Variants in GPR39 observed in about 807,000 individuals in gnomAD.
GPR39 encodes the protein G protein-coupled receptor 39.
A neutral mutation model predicts 18.4 loss-of-function variants in GPR39; 23 were observed. That is an observed-to-expected ratio of 1.25 (90% CI 0.90 to 1.77). The LOEUF is 1.77. Among genes scored for constraint, GPR39 ranks in the 40% most tolerant of loss-of-function variants. The pLI is 0.00. For missense variants in GPR39, 647 were observed against 602.4 expected (o/e 1.07, Z -0.78); for synonymous variants, 280 against 257.9 (o/e 1.09, Z -0.82).
chr2:132,524,824 T>C (rs1334428748), intron 1 of GPR39, among the ~76,000 whole-genome samples: 1 of 152,252 alleles, frequency 6.6e-6, no homozygotes, highest in Non-Finnish European at 1.5e-5. Flanking sequence ...CTATCACATG[T>C]TACTGTGTTG....
chr2:132,550,364 C>A (rs1327859288), intron 1 of GPR39, among the ~76,000 whole-genome samples: 1 of 152,188 alleles, frequency 6.6e-6, no homozygotes, highest in Non-Finnish European at 1.5e-5. Context: ...TCTTTGGATA[C>A]AAGGAACAGC....
rs34611787 is a variant in GPR39, at chr2:132,610,777, C to CAAA, written c.857-34305_857-34303dup. ...GGGCAACAGAGCGAGACTCTGTCTC[C>CAAA]AAAAAAAAAAAAAAAAAAAAAGAAG... On this transcript the variant is annotated intron_variant, in intron 1 of 1. Coordinates refer to ENST00000329321, the MANE Select transcript of GPR39 (RefSeq NM_001508.3). Among the ~76,000 whole-genome samples, 508 of 88,560 alleles carry CAAA rather than the reference C, an allele frequency of 5.7e-3. 9 individuals are homozygous for CAAA. The highest frequency in any genetic ancestry group is 0.022 in the African/African-American group (473 of 21,996). The allele number at this position is 88,560 out of a possible 152,430, so 58.1% of individuals were successfully genotyped here.
At chr2:132,503,869 G>A (rs1233412326) in intron 1 of GPR39, among the ~76,000 whole-genome samples, 1 of 152,148 alleles carries the variant, frequency 6.6e-6, no homozygotes. Flanking sequence ...AGGTCACCAA[G>A]GAACTGGGGG....
At chr2:132,525,552 G>A (rs1299656932) in intron 1 of GPR39, among the ~76,000 whole-genome samples, 1 of 152,202 alleles carries the variant, frequency 6.6e-6, no homozygotes, top group African/African-American at 2.4e-5. Context: ...AATTCAGTTT[G>A]ATGCTTTCCC....
At chr2:132,554,887 C>T (rs1212175613) in intron 1 of GPR39, among the ~76,000 whole-genome samples, 2 of 152,136 alleles carry the variant, frequency 1.3e-5, no homozygotes, top group Non-Finnish European at 2.9e-5. Flanking sequence ...AAAAGACATA[C>T]TTTCATACGT....
intron 1 of GPR39, among the ~76,000 whole-genome samples, chr2:132,427,077 TATATATAATATACATATATAG>T (rs1347583955): frequency 2.1e-5 from 3 of 146,190 alleles, no homozygotes; most frequent in South Asian, 4.3e-4. Flanking sequence ...TATGTACCTA[TATATATAATATACATATATAG>T]GTACATATAT....
Position 132,643,848 on chromosome 2 carries a change from GGT to G in GPR39, c.857-1252_857-1251del, listed in dbSNP as rs1681922740. 2.6e-5 allele frequency among the ~76,000 whole-genome samples: 4 copies of G among 152,228 alleles called. No individual in the cohort carries two copies. The South Asian group carries it at 8.3e-4, about 32-fold the overall frequency. On this transcript the variant is annotated intron_variant, in intron 1 of 1. Transcript: ENST00000329321. ...ATTTATTAATAGAATATTTACCATG[GGT>G]CATAGGCAGGAAGCATTCATTGCCA...
chr2:132,634,073 AGTG>A (rs1229648612), intron 1 of GPR39, among the ~76,000 whole-genome samples: 5 of 142,410 alleles, frequency 3.5e-5, no homozygotes, highest in African/African-American at 1.5e-4. Context: ...CAGTAGTAGC[AGTG>A]GTGTTGGTGT....
chr2:132,458,395 A>G (rs1402274122), intron 1 of GPR39, among the ~76,000 whole-genome samples: 1 of 143,098 alleles, frequency 7.0e-6, no homozygotes. Context: ...CTTCTATCTT[A>G]TCACATTTTC....
chr2:132,492,641 TCTATATATA>T (rs1558814493), intron 1 of GPR39, among the ~76,000 whole-genome samples: 8 of 135,678 alleles, frequency 5.9e-5, no homozygotes, highest in Non-Finnish European at 1.1e-4. Context: ...ATACACACCA[TCTATATATA>T]ATATATATAC....
At chr2:132,581,659 C>T (rs1254053922) in intron 1 of GPR39, among the ~76,000 whole-genome samples, 1 of 152,044 alleles carries the variant, frequency 6.6e-6, no homozygotes, top group Non-Finnish European at 1.5e-5. Context: ...GGAGTGAGGC[C>T]CTTAGTTTCA....
intron 1 of GPR39, among the ~76,000 whole-genome samples, chr2:132,590,263 A>G (rs1307489473): frequency 6.6e-6 from 1 of 152,186 alleles, no homozygotes; most frequent in Non-Finnish European, 1.5e-5. Flanking sequence ...TATCAAATCA[A>G]GAAGAGAAAT....
intron 1 of GPR39, among the ~76,000 whole-genome samples, chr2:132,619,670 G>GACAC (rs1681399735): frequency 1.3e-5 from 2 of 152,136 alleles, no homozygotes; most frequent in African/African-American, 4.8e-5. Context: ...AGGAAAGGTG[G>GACAC]CTGTCCAATT....
intron 1 of GPR39, among the ~76,000 whole-genome samples, chr2:132,640,602 A>G (rs957493254): frequency 1.3e-5 from 2 of 152,230 alleles, no homozygotes; most frequent in Non-Finnish European, 1.5e-5. Flanking sequence ...TGGGCTGCAC[A>G]TTACACCACA....
chr2:132,613,187 AG>A (rs1681265659), intron 1 of GPR39, among the ~76,000 whole-genome samples: 1 of 152,170 alleles, frequency 6.6e-6, no homozygotes, highest in African/African-American at 2.4e-5. Context: ...GTGACTAATG[AG>A]GGTTTTATTT....
In GPR39 at chr2:132,530,950, G is replaced by C. The variant is rs574595579; in HGVS notation, c.856+113052G>C. On this transcript the variant is annotated intron_variant, in intron 1 of 1. Transcript: ENST00000329321. ...CTAGGAAGAAACTGCATCAACTAAC[G>C]AGCAAAATAACCAGCTAACATCATA... is the stretch of plus-strand genomic sequence containing the variant. Among the ~76,000 whole-genome samples, 503 of 152,242 alleles carry C rather than the reference G, an allele frequency of 3.3e-3. 2 individuals carry two copies. The highest frequency in any genetic ancestry group is 0.011 in the African/African-American group (442 of 41,532).
chr2:132,427,169 A>C (rs1461150569), intron 1 of GPR39, among the ~76,000 whole-genome samples: 1 of 105,828 alleles, frequency 9.4e-6, no homozygotes, highest in Non-Finnish European at 1.9e-5. Context: ...TATATATGAA[A>C]TTTTTTTTTT....
chr2:132,614,186 TTGTTTTTGTTTTG>T (rs1004914842), intron 1 of GPR39, among the ~76,000 whole-genome samples: 6 of 148,968 alleles, frequency 4.0e-5, no homozygotes, highest in African/African-American at 7.4e-5. Context: ...GCTTTTTTTT[TTGTTTTTGTTTTG>T]TTTTGTTTTT....
intron 1 of GPR39, among the ~76,000 whole-genome samples, chr2:132,444,239 C>T (rs921104672): frequency 6.6e-6 from 1 of 152,136 alleles, no homozygotes; most frequent in Non-Finnish European, 1.5e-5. Flanking sequence ...TGAACTGTTA[C>T]CTAGTCTCAC....
Sources: allele counts gnomAD v4.1 joint callset (sites outside exome capture counted in the v4.1 genomes callset), GRCh38; gene constraint gnomAD v4.1.1; transcripts MANE v1.5; gene names NCBI Gene and HGNC (gene_info 2026-07-23, HGNC 2026-07-21).